ADCY10: variants seen among roughly 807,000 people sequenced by gnomAD.
ADCY10 encodes adenylate cyclase 10.
Under a neutral mutation model 183.3 loss-of-function variants are expected in ADCY10, and 156 were observed. That is an observed-to-expected ratio of 0.85 (90% CI 0.75 to 0.97). ADCY10 has a LOEUF of 0.97. ADCY10 is among the 50% of genes least tolerant of loss of function. The pLI, the probability that ADCY10 is intolerant of heterozygous loss-of-function variation, is 0.00. For missense variants in ADCY10, 1,745 were observed against 1,934.3 expected, an observed-to-expected ratio of 0.90 and a Z score of 1.84; for synonymous variants, 645 against 670.0, an observed-to-expected ratio of 0.96 and a Z score of 0.58.
chr1:167,894,425 A>G (rs896888755), intron 7 of ADCY10, among the ~76,000 whole-genome samples: 5 of 151,924 alleles, frequency 3.3e-5, no homozygotes, highest in African/African-American at 1.2e-4. Flanking sequence ...GTTGCCTCCT[A>G]TTTCCTCACC....
At chr1:167,822,833 C>T (rs929012343) in intron 29 of ADCY10, among the ~76,000 whole-genome samples, 175 bp downstream of exon 29, 4 of 152,096 alleles carry the variant, frequency 2.6e-5, no homozygotes, top group African/African-American at 7.2e-5. Flanking sequence ...TTTACAATCT[C>T]GGCACCTGCT....
At chr1:167,868,174 T>C (rs1434076533) in intron 14 of ADCY10, among the ~76,000 whole-genome samples, 4 of 152,174 alleles carry the variant, frequency 2.6e-5, no homozygotes, top group African/African-American at 9.7e-5. Context: ...GAAATTTGTT[T>C]TTGCAATTAG....
chr1:167,888,888 AAAG>A (rs1165701947), intron 8 of ADCY10, among the ~76,000 whole-genome samples: 2 of 151,160 alleles, frequency 1.3e-5, no homozygotes, highest in African/African-American at 2.4e-5. Context: ...AAAAAAAAAA[AAAG>A]AAAAAGAAAG....
intron 29 of ADCY10, among the ~76,000 whole-genome samples, chr1:167,822,556 G>A (rs550939022): frequency 5.8e-4 from 89 of 152,208 alleles, no homozygotes; most frequent in African/African-American, 2.1e-3. Context: ...TGACCTACTT[G>A]GTGTCACTTG....
At chr1:167,839,691 A>G (rs918289602) in intron 21 of ADCY10, among the ~76,000 whole-genome samples, 36 of 152,322 alleles carry the variant, frequency 2.4e-4, no homozygotes, top group African/African-American at 8.7e-4. Context: ...GTCAGTTGCC[A>G]TTAAAATTCA....
chr1:167,815,724 A>C (rs1382230724), intron 31 of ADCY10, among the ~76,000 whole-genome samples: 2 of 152,256 alleles, frequency 1.3e-5, no homozygotes, highest in Non-Finnish European at 2.9e-5. Context: ...TGAAATTATC[A>C]GACTGGGAAT....
At chr1:167,848,287 G>A in intron 19 of ADCY10, 74 bp downstream of exon 19, 1 of 1,281,136 alleles carries the variant, frequency 7.8e-7, no homozygotes, top group Non-Finnish European at 1.1e-6. Context: ...CTGACCTTGT[G>A]ATCCGCCCGC....
chr1:167,907,687 G>A (rs1262655168), intron 1 of ADCY10, among the ~76,000 whole-genome samples: 1 of 152,182 alleles, frequency 6.6e-6, no homozygotes, highest in Admixed American at 6.5e-5. Context: ...ATTAAAAGGA[G>A]TCAAATGGAT....
Position 167,903,957 on chromosome 1 carries a change from G to T in ADCY10, c.183C>A (p.Ala61=), listed in dbSNP as rs1450607288. 1 of 1,613,944 alleles carries T rather than the reference G, an allele frequency of 6.2e-7. No individual in the cohort carries two copies. Residue 61 remains alanine (A), a synonymous_variant, in exon 3 of 33, where the codon GCC becomes GCA. Coordinates refer to ENST00000367851, the MANE Select transcript of ADCY10 (RefSeq NM_018417.6). ...GCTCAGCCCCTCTGTCCATGTACAT[G>T]GCACTGCTGAACTTCTCAGTCATTG... ...FTAMTEKFSS[A]MYMDRGAEQL... is the part of the protein sequence containing the mutation.
intron 7 of ADCY10, among the ~76,000 whole-genome samples, chr1:167,895,375 G>T (rs1285989573): frequency 6.6e-6 from 1 of 152,016 alleles, no homozygotes; most frequent in Non-Finnish European, 1.5e-5. Flanking sequence ...ATCAATGTTT[G>T]TACAGTCTCC....
intron 30 of ADCY10, among the ~76,000 whole-genome samples, chr1:167,821,709 A>C (rs1662925804): frequency 6.6e-6 from 1 of 152,244 alleles, no homozygotes; most frequent in South Asian, 2.1e-4. Flanking sequence ...GCTATTCATT[A>C]GTCTTCCTCA....
chr1:167,890,910 A>C (rs1668540978), intron 8 of ADCY10, among the ~76,000 whole-genome samples: 1 of 152,156 alleles, frequency 6.6e-6, no homozygotes, highest in African/African-American at 2.4e-5. Context: ...GGACACAATA[A>C]ACTAGAATCC....
At chr1:167,854,260 G>A in intron 18 of ADCY10, 93 bp downstream of exon 18, 1 of 1,465,964 alleles carries the variant, frequency 6.8e-7, no homozygotes, top group South Asian at 1.1e-5. Context: ...ACAGGAAGCA[G>A]CCTGTGGAAT....
At chr1:167,864,131 CTGATTTTGGTTT>C (rs1276543189) in intron 14 of ADCY10, among the ~76,000 whole-genome samples, 1 of 152,142 alleles carries the variant, frequency 6.6e-6, no homozygotes, top group Non-Finnish European at 1.5e-5. Flanking sequence ...TCTGAATACT[CTGATTTTGGTTT>C]TGATTTTGGT....
chr1:167,814,913 G>T (rs1021011868), intron 31 of ADCY10, among the ~76,000 whole-genome samples: 6 of 152,110 alleles, frequency 3.9e-5, no homozygotes, highest in African/African-American at 1.4e-4. Context: ...ATCACCTGAG[G>T]TCAGGAGTTC....
At chr1:167,886,373 G>T (rs1668225078) in intron 8 of ADCY10, among the ~76,000 whole-genome samples, 1 of 152,122 alleles carries the variant, frequency 6.6e-6, no homozygotes, top group African/African-American at 2.4e-5. Flanking sequence ...GAATGGAACA[G>T]ATCCCTCAGA....
intron 26 of ADCY10, among the ~76,000 whole-genome samples, chr1:167,827,704 AT>A (rs1663412072): frequency 8.8e-6 from 1 of 113,586 alleles, no homozygotes; most frequent in South Asian, 2.5e-4. Context: ...GGCATTTTAA[AT>A]TTAAAAAAAA....
intron 14 of ADCY10, among the ~76,000 whole-genome samples, chr1:167,861,480 C>G (rs1417822178): frequency 6.6e-6 from 1 of 152,220 alleles, no homozygotes; most frequent in Non-Finnish European, 1.5e-5. Context: ...CAACAGCAAG[C>G]AGGTGAGAGT....
chr1:167,899,536 G>A lies in ADCY10; in HGVS notation c.529C>T (p.Leu177Phe). The A allele has an allele frequency of 1.2e-6, 2 of 1,614,232 alleles. No homozygotes were observed. Among genetic ancestry groups the A allele is most frequent in the Non-Finnish European group, 1.7e-6 (2 of 1,180,046 alleles). Residue 177 changes from leucine to phenylalanine, a missense_variant, in exon 6 of 33, where the codon CTT becomes TTT. Transcript: ENST00000367851. ...VIGQAVDDVR[L>F]AQNMAQMNDV... is the part of the protein sequence containing the mutation. ...TTCATCTGAGCCATGTTCTGGGCAA[G>A]GCGCACATCGTCCACTGCCTGACCA...
Sources: gnomAD v4.1 joint callset for allele counts (sites outside exome capture counted in the v4.1 genomes callset) on GRCh38, gnomAD v4.1.1 for gene constraint, MANE v1.5 for transcripts, NCBI Gene and HGNC (gene_info 2026-07-23, HGNC 2026-07-21) for gene names.